Variants in RLF observed in about 807,000 individuals in gnomAD.
The protein encoded by RLF is zinc finger protein Rlf.
In RLF, 7 loss-of-function variants were observed where a neutral mutation model predicts 162.9. That is an observed-to-expected ratio of 0.04 (90% confidence interval 0.02 to 0.08). The LOEUF is 0.08. Ranked by LOEUF, RLF falls within the 10% of genes least tolerant of loss-of-function variation. RLF has a pLI of 1.00. For missense variants in RLF, 1,664 were observed against 2,244.7 expected (o/e 0.74, Z 5.23); for synonymous variants, 782 against 791.5 (o/e 0.99, Z 0.20).
At chr1:40,217,772 AAAAGAAAG>A (rs750970840) in intron 5 of RLF, among the ~76,000 whole-genome samples, 2 of 152,244 alleles carry the variant, frequency 1.3e-5, no homozygotes, top group African/African-American at 4.8e-5. Flanking sequence ...CCGTCTCAAA[AAAAGAAAG>A]AAAGAAAGAA....
At chr1:40,232,889 G>A (rs943258649) in intron 7 of RLF, among the ~76,000 whole-genome samples, 2 of 151,954 alleles carry the variant, frequency 1.3e-5, no homozygotes, top group African/African-American at 4.8e-5. Flanking sequence ...TTGGCGGGGA[G>A]CAGTGGTAGA....
Position 40,240,241 on chromosome 1 carries a change from A to T in RLF, c.5539A>T (p.Ile1847Leu), listed in dbSNP as rs1226170350. The T allele has an allele frequency of 6.2e-7, 1 of 1,614,176 alleles. No individual in the cohort carries two copies. The stretch of plus-strand genomic sequence containing the variant: ...GAACCTGACTGCAATCCCACCTTTA[A>T]TAGTAGCTGAAACAACAACAGTTCC... The part of the protein sequence containing the change: ...HENLTAIPPL[I>L]VAETTTVPSL... Residue 1847 changes from isoleucine to leucine, a missense_variant, in exon 8 of 8, where the codon ATA (isoleucine) becomes TTA (leucine). Ile to Leu is a conservative substitution (Grantham distance 5). Coordinates refer to ENST00000372771, the MANE Select transcript of RLF (RefSeq NM_012421.4).
intron 6 of RLF, among the ~76,000 whole-genome samples, chr1:40,226,181 A>G (rs1249615758): frequency 1.3e-5 from 2 of 152,262 alleles, no homozygotes; most frequent in Non-Finnish European, 2.9e-5. Context: ...TATAGCAGTT[A>G]TGTTTAACTT....
At chr1:40,185,843 C>CAAAAAAAAAAAAAAAAAAAAAAAACA (rs33982008) in intron 1 of RLF, among the ~76,000 whole-genome samples, 1 of 67,526 alleles carries the variant, frequency 1.5e-5, no homozygotes, top group African/African-American at 5.8e-5. Flanking sequence ...AAAAAAAAAG[C>CAAAAAAAAAAAAAAAAAAAAAAAACA]AAAAAAAAAA....
chr1:40,233,538 A>G (rs1643178655), intron 7 of RLF, among the ~76,000 whole-genome samples: 1 of 152,198 alleles, frequency 6.6e-6, no homozygotes, highest in Non-Finnish European at 1.5e-5. Flanking sequence ...ACATCATCCT[A>G]ATAAGTCAAG....
At chr1:40,198,836 T>C (rs1367221279) in intron 4 of RLF, among the ~76,000 whole-genome samples, 5 of 152,192 alleles carry the variant, frequency 3.3e-5, no homozygotes, top group South Asian at 2.1e-4. Context: ...AGGATTGTGA[T>C]TGGGAGTGAG....
chr1:40,240,512 G>A lies in RLF; in HGVS notation c.*65G>A, dbSNP rs1419442226. 24 of 1,187,842 alleles carry A rather than the reference G, an allele frequency of 2.0e-5. No homozygotes were observed. Among genetic ancestry groups the A allele is most frequent in the South Asian group, 7.0e-5 (5 of 70,942 alleles). 73.6% of individuals were successfully genotyped at this position (1,187,842 alleles called of 1,614,324 possible). A position where few individuals can be genotyped will look rare whatever the true frequency, so the allele number is the denominator to read the frequency against. On this transcript the variant is annotated 3_prime_UTR_variant, in exon 8 of 8. Transcript: ENST00000372771. Reference sequence around the variant, plus strand: ...GCAACATGGGGACATTTGCCAACTCGAACAAAGGCTGAGAAGCAGCCACAC... The same window carrying A: ...GCAACATGGGGACATTTGCCAACTCAAACAAAGGCTGAGAAGCAGCCACAC...
chr1:40,236,457 A>G lies in RLF; in HGVS notation c.1755A>G (p.Pro585=). The change falls in exon 8 of 8, where the codon CCA becomes CCG. Residue 585 remains proline (P), a synonymous_variant. Coordinates refer to ENST00000372771, the MANE Select transcript of RLF (RefSeq NM_012421.4). This position sits in a 1 kb window ranked among gnomAD's most constrained non-coding sequence, Gnocchi z 7.7. The stretch of plus-strand genomic sequence containing the variant: ...TGGAAGATGGAATTTACACCTGTCC[A>G]GTTTGTATTAAAAAATTTAAGAGAA... ...MHMEDGIYTC[P]VCIKKFKRKE... is the part of the protein sequence containing the mutation. 3 of 1,613,968 alleles carry G rather than the reference A, an allele frequency of 1.9e-6. No homozygotes were observed. The South Asian group carries it at 3.3e-5, about 18-fold the overall frequency.
intron 6 of RLF, among the ~76,000 whole-genome samples, chr1:40,226,178 G>GT (rs1643069762): frequency 6.6e-6 from 1 of 152,184 alleles, no homozygotes; most frequent in Non-Finnish European, 1.5e-5. Context: ...CTTTATAGCA[G>GT]TTATGTTTAA....
At chr1:40,221,934 C>T (rs1014356566) in intron 5 of RLF, among the ~76,000 whole-genome samples, 2 of 142,250 alleles carry the variant, frequency 1.4e-5, no homozygotes, top group African/African-American at 2.6e-5. Flanking sequence ...AGGAAAGGAG[C>T]CCCAGAAAAA....
intron 1 of RLF, among the ~76,000 whole-genome samples, chr1:40,168,714 C>T (rs997533267): frequency 3.3e-5 from 5 of 151,828 alleles, no homozygotes; most frequent in African/African-American, 9.7e-5. Context: ...ATGTTTTGGC[C>T]GTGCACGGTG....
At chr1:40,175,248 C>A (rs138036263) in intron 1 of RLF, among the ~76,000 whole-genome samples, 5 of 151,802 alleles carry the variant, frequency 3.3e-5, no homozygotes, top group African/African-American at 1.2e-4. Context: ...CCATAAAGTT[C>A]TAACAGTAAA....
intron 1 of RLF, among the ~76,000 whole-genome samples, chr1:40,185,843 CAA>C (rs33982008): frequency 0.43 from 29,001 of 67,504 alleles, 5,245 homozygotes; most frequent in Middle Eastern, 0.54. Context: ...AAAAAAAAAG[CAA>C]AAAAAAAAAA....
chr1:40,237,777 A>T lies in RLF; in HGVS notation c.3075A>T (p.Glu1025Asp), dbSNP rs563725421. The change falls in exon 8 of 8, where the codon GAA becomes GAT. Residue 1025 changes from glutamate (E) to aspartate (D), a missense_variant. Glu to Asp is a conservative substitution (Grantham distance 45). Transcript: ENST00000372771. This position sits in a 1 kb window ranked among gnomAD's most constrained non-coding sequence, Gnocchi z 4.4. ...CSDTNSDSPD[E>D]GLDHNIHIKC... ...ATACAAACAGTGACTCCCCAGATGA[A>T]GGTCTAGATCACAATATTCACATTA... is the stretch of plus-strand genomic sequence containing the variant. The T allele has an allele frequency of 1.2e-6, 2 of 1,614,128 alleles. No individual in the cohort carries two copies. The highest frequency in any genetic ancestry group is 4.5e-5 in the East Asian group (2 of 44,884).
In RLF at chr1:40,240,229, A is replaced by C. The variant is rs374265738; in HGVS notation, c.5527A>C (p.Ile1843Leu). 6.2e-7 allele frequency: 1 copy of C among 1,614,186 alleles called. No homozygotes were observed. Among genetic ancestry groups the C allele is most frequent in the Admixed American group, 1.7e-5 (1 of 60,020 alleles). Residue 1843 changes from isoleucine to leucine, a missense_variant, in exon 8 of 8, where the codon ATC (isoleucine) becomes CTC (leucine). By Grantham distance (5) the Ile-to-Leu change is conservative (BLOSUM62 2). Transcript: ENST00000372771. ...TACAATTCATGAGAACCTGACTGCA[A>C]TCCCACCTTTAATAGTAGCTGAAAC... The part of the protein sequence containing the change: ...DSTIHENLTA[I>L]PPLIVAETTT...
chr1:40,239,580 C>G lies in RLF; in HGVS notation c.4878C>G (p.Ser1626Arg). 1 of 1,614,124 alleles carries G rather than the reference C, an allele frequency of 6.2e-7. No homozygotes were observed. Among genetic ancestry groups the G allele is most frequent in the Non-Finnish European group, 8.5e-7 (1 of 1,180,022 alleles). Residue 1626 changes from serine (S) to arginine (R), a missense_variant, in exon 8 of 8, where the codon AGC (serine) becomes AGG (arginine). This residue lies in a region of RLF where 327 missense variants were observed against 342.7 expected (regional missense o/e 0.95). Coordinates refer to ENST00000372771, the MANE Select transcript of RLF (RefSeq NM_012421.4). ...RSCESERTEH[S>R]HSPGDSSAPI... ...GTGAATCAGAGCGCACAGAACACAG[C>G]CATTCCCCGGGTGACAGTAGTGCAC... is the stretch of plus-strand genomic sequence containing the variant.
In RLF at chr1:40,172,936, C is replaced by T. The variant is rs576270591; in HGVS notation, c.237+11300C>T. ...CCTACAAAAAGTTGAATATGTACTT[C>T]CGCCAATAGTGTTTGGGAGTCCCCG... On this transcript the variant is annotated intron_variant, in intron 1 of 7. Coordinates refer to ENST00000372771, the MANE Select transcript of RLF (RefSeq NM_012421.4). Among the ~76,000 whole-genome samples, 3 of 152,282 alleles carry T rather than the reference C, an allele frequency of 2.0e-5. No homozygotes were observed. In the East Asian group the frequency reaches 5.8e-4, roughly 29 times the overall value.
chr1:40,221,979 TTTTG>T (rs1337587757), intron 5 of RLF, among the ~76,000 whole-genome samples: 6 of 152,000 alleles, frequency 3.9e-5, no homozygotes, highest in African/African-American at 1.2e-4. Flanking sequence ...TTTATTTGTT[TTTTG>T]TTTGTTTTTT....
intron 1 of RLF, among the ~76,000 whole-genome samples, chr1:40,185,072 C>CA (rs895279566): frequency 9.3e-5 from 14 of 150,800 alleles, no homozygotes; most frequent in South Asian, 4.2e-4. Flanking sequence ...CCTGTCCCTA[C>CA]AAAAAAAAAG....
Sources: allele counts gnomAD v4.1 joint callset (sites outside exome capture counted in the v4.1 genomes callset), GRCh38; gene constraint gnomAD v4.1.1; regional missense constraint gnomAD v4.1.1; non-coding constraint Gnocchi (gnomAD v3.1); transcripts MANE v1.5; gene names NCBI Gene and HGNC (gene_info 2026-07-23, HGNC 2026-07-21).